The following CFAP47 variants were observed in gnomAD, a reference collection of about 807,000 sequenced individuals.
CFAP47 encodes the protein cilia- and flagella-associated protein 47.
In CFAP47, 29 loss-of-function variants were observed where a neutral mutation model predicts 148.1. The observed-to-expected ratio is 0.20, with a 90% CI of 0.15 to 0.27. The LOEUF (loss-of-function observed/expected upper bound fraction) is 0.27. CFAP47 is among the 10% of genes least tolerant of loss of function. The probability of loss-of-function intolerance (pLI) is 1.00; values close to 1 mark genes in which losing one functional copy is unlikely to be tolerated. For missense variants in CFAP47, 1,872 were observed against 1,697.5 expected, an observed-to-expected ratio of 1.10 and a Z score of -1.81; for synonymous variants, 664 against 577.3, an observed-to-expected ratio of 1.15 and a Z score of -2.15.
chrX:36,220,812 G>C (rs1370560977), intron 45 of CFAP47, among the ~76,000 whole-genome samples: 3 of 111,044 alleles, frequency 2.7e-5, no homozygotes, highest in Non-Finnish European at 5.7e-5. Context: ...AAAGATAAGA[G>C]AAATTCCAAA....
chrX:36,050,725 G>C (rs1425308280), intron 26 of CFAP47, among the ~76,000 whole-genome samples: 4 of 112,157 alleles, frequency 3.6e-5, no homozygotes, highest in Non-Finnish European at 5.6e-5. Context: ...GCCAAATGTT[G>C]ATCACCAAGA....
At chrX:36,373,084 C>T (rs1050653057) in intron 62 of CFAP47, among the ~76,000 whole-genome samples, 4 of 111,220 alleles carry the variant, frequency 3.6e-5, no homozygotes, top group African/African-American at 1.3e-4. Flanking sequence ...AAATATAACA[C>T]TAGAATTTTT....
intron 33 of CFAP47, among the ~76,000 whole-genome samples, chrX:36,105,465 CAAGT>C (rs1329568645): frequency 1.8e-5 from 2 of 111,581 alleles, no homozygotes; most frequent in African/African-American, 6.5e-5. Flanking sequence ...TCAAACTTTA[CAAGT>C]AAGGGGAAGA....
At chrX:36,290,767 T>G (rs1556005453) in intron 51 of CFAP47, among the ~76,000 whole-genome samples, 1 of 112,446 alleles carries the variant, frequency 8.9e-6, no homozygotes, top group African/African-American at 3.2e-5. Context: ...GCTTTCTAAA[T>G]TCCAGTGAAA....
chrX:36,226,917 A>G (rs1264396280), intron 45 of CFAP47, among the ~76,000 whole-genome samples: 2 of 111,905 alleles, frequency 1.8e-5, no homozygotes, highest in African/African-American at 3.2e-5. Context: ...AAATTGTCTG[A>G]ACAGTTTAAT....
At chrX:36,155,599 G>T (rs370194584) in intron 37 of CFAP47, among the ~76,000 whole-genome samples, 1 of 111,284 alleles carries the variant, frequency 9.0e-6, no homozygotes, top group Non-Finnish European at 1.9e-5. Flanking sequence ...GGTTTCAGAT[G>T]CCATTGTGGT....
chrX:36,348,045 C>T (rs1941713157), intron 57 of CFAP47, 84 bp from the exon 58 acceptor site: 7 of 499,381 alleles, frequency 1.4e-5, no homozygotes, highest in African/African-American at 2.5e-5. Flanking sequence ...AATCAGTAAT[C>T]AAATTAGGTG....
chrX:36,338,114 C>G (rs1905171561), intron 57 of CFAP47, among the ~76,000 whole-genome samples: 1 of 100,584 alleles, frequency 9.9e-6, no homozygotes, highest in African/African-American at 3.7e-5. Flanking sequence ...GTCTCGATCT[C>G]CTGACCTTGT....
At chrX:36,113,510 G>T in intron 33 of CFAP47, among the ~76,000 whole-genome samples, 1 of 110,959 alleles carries the variant, frequency 9.0e-6, no homozygotes, top group East Asian at 2.9e-4. Context: ...CTCACTAGCT[G>T]CCTTTAACAA....
intron 42 of CFAP47, among the ~76,000 whole-genome samples, chrX:36,197,374 G>A (rs782231391): frequency 8.9e-6 from 1 of 112,040 alleles, no homozygotes; most frequent in African/African-American, 3.2e-5. Flanking sequence ...TTTTATTTGG[G>A]CACACATTAA....
At chrX:36,341,977 T>C (rs1941657357) in intron 57 of CFAP47, among the ~76,000 whole-genome samples, 1 of 110,791 alleles carries the variant, frequency 9.0e-6, no homozygotes, top group Non-Finnish European at 1.9e-5. Context: ...AATTATATAG[T>C]GACTGTATGG....
At chrX:36,371,331 G>A (rs1324105671) in intron 62 of CFAP47, among the ~76,000 whole-genome samples, 1 of 109,575 alleles carries the variant, frequency 9.1e-6, no homozygotes, top group Non-Finnish European at 1.9e-5. Flanking sequence ...ACTCAATTCT[G>A]GTAGAGTATA....
intron 63 of CFAP47, among the ~76,000 whole-genome samples, chrX:36,382,567 G>T (rs1942087344): frequency 9.0e-6 from 1 of 111,347 alleles, no homozygotes; most frequent in South Asian, 3.8e-4. Context: ...ATTTGCTAAT[G>T]GATAAGTATC....
intron 33 of CFAP47, among the ~76,000 whole-genome samples, chrX:36,136,779 TC>T (rs1939052370): frequency 2.7e-5 from 3 of 111,950 alleles, no homozygotes; most frequent in Admixed American, 9.5e-5. Flanking sequence ...ATGTAGGTTA[TC>T]ATTATTCAGC....
intron 33 of CFAP47, among the ~76,000 whole-genome samples, chrX:36,116,943 A>G (rs371857415): frequency 3.6e-5 from 4 of 111,274 alleles, no homozygotes; most frequent in East Asian, 5.6e-4. Flanking sequence ...CTTATACTCT[A>G]TAGTCCCATG....
At chrX:36,314,255 CTCTG>C (rs1390727166) in intron 56 of CFAP47, among the ~76,000 whole-genome samples, 33 of 111,452 alleles carry the variant, frequency 3.0e-4, no homozygotes, top group African/African-American at 1.0e-3. Flanking sequence ...ATATTTCTAA[CTCTG>C]TCTGTGTAGT....
intron 45 of CFAP47, among the ~76,000 whole-genome samples, chrX:36,212,658 T>C (rs201326411): frequency 9.0e-6 from 1 of 111,694 alleles, no homozygotes; most frequent in East Asian, 2.8e-4. Flanking sequence ...GATAATATCT[T>C]AAAAGTAATT....
intron 57 of CFAP47, among the ~76,000 whole-genome samples, chrX:36,322,679 A>AT (rs1437781518): frequency 9.0e-6 from 1 of 110,730 alleles, no homozygotes; most frequent in Non-Finnish European, 1.9e-5. Context: ...GTCATAAAAT[A>AT]TTTTTTCAAA....
chrX:36,118,697 A>G (rs988311138), intron 33 of CFAP47, among the ~76,000 whole-genome samples: 4 of 110,957 alleles, frequency 3.6e-5, no homozygotes, highest in Non-Finnish European at 7.5e-5. Context: ...GATGGTCTTG[A>G]TCTCCTGACC....
Sources: allele counts gnomAD v4.1 joint callset (sites outside exome capture counted in the v4.1 genomes callset), GRCh38; gene constraint gnomAD v4.1.1; transcripts MANE v1.5; gene names NCBI Gene and HGNC (gene_info 2026-07-23, HGNC 2026-07-21).